Variants in TRIM40 observed in about 807,000 individuals in gnomAD.
TRIM40 encodes the protein E3 ubiquitin ligase TRIM40.
TRIM40 carries 27 observed loss-of-function variants against 26.1 expected under a neutral mutation model. The ratio of observed to expected loss-of-function variants is 1.04; its 90% CI spans 0.76 to 1.43. TRIM40 has a LOEUF of 1.43. Ranked by LOEUF, TRIM40 falls within the 40% of genes most tolerant of loss-of-function variation. The pLI is 0.00. For synonymous variants in TRIM40, 114 were observed against 120.0 expected (o/e 0.95, Z 0.33); for missense variants, 289 against 307.9 (o/e 0.94, Z 0.46).
intron 2 of TRIM40, among the ~76,000 whole-genome samples, chr6:30,137,638 A>G (rs910243510): frequency 6.6e-6 from 1 of 152,232 alleles, no homozygotes; most frequent in African/African-American, 2.4e-5. Flanking sequence ...GCTCATCTGT[A>G]GAATAGAGTA....
At chr6:30,136,640 C>T (rs1771013033) in intron 1 of TRIM40, 93 bp from the exon 2 acceptor site, 1 of 230,596 alleles carries the variant, frequency 4.3e-6, no homozygotes, top group Non-Finnish European at 8.5e-6. Context: ...GACAATGACA[C>T]CTTGCCCTTT....
intron 3 of TRIM40, among the ~76,000 whole-genome samples, chr6:30,146,419 A>C (rs55994375): frequency 6.7e-6 from 1 of 148,160 alleles, no homozygotes; most frequent in African/African-American, 2.5e-5. Context: ...ATTTTATTTT[A>C]TTTTTTTTTT....
Sources: gnomAD v4.1 joint callset for allele counts (sites outside exome capture counted in the v4.1 genomes callset) on GRCh38, gnomAD v4.1.1 for gene constraint, MANE v1.5 for transcripts, NCBI Gene and HGNC (gene_info 2026-07-23, HGNC 2026-07-21) for gene names.